The following FRMD4A variants were observed in gnomAD, a reference collection of about 807,000 sequenced individuals.
FRMD4A encodes FERM domain containing 4A, also known as FERM domain-containing protein 4A.
FRMD4A carries 29 observed loss-of-function variants against 129.1 expected under a neutral mutation model. That is an observed-to-expected ratio of 0.22 (90% CI 0.17 to 0.31). The LOEUF (loss-of-function observed/expected upper bound fraction) is 0.31. Ranked by LOEUF, FRMD4A falls within the 10% of genes least tolerant of loss-of-function variation. FRMD4A has a pLI of 1.00. For synonymous variants in FRMD4A, 634 were observed against 571.6 expected, an observed-to-expected ratio of 1.11 and a Z score of -1.56; for missense variants, 1,272 against 1,375.8, an observed-to-expected ratio of 0.92 and a Z score of 1.19.
intron 2 of FRMD4A, among the ~76,000 whole-genome samples, chr10:14,225,719 C>T (rs191383865): frequency 6.6e-6 from 1 of 152,338 alleles, no homozygotes; most frequent in East Asian, 1.9e-4. Flanking sequence ...AAACAACCTT[C>T]TGATGATTTG....
intron 15 of FRMD4A, among the ~76,000 whole-genome samples, chr10:13,687,889 T>C (rs2085247255): frequency 6.6e-6 from 1 of 152,172 alleles, no homozygotes; most frequent in Non-Finnish European, 1.5e-5. Flanking sequence ...ATTTCATTCC[T>C]TTTCTTCCAA....
At chr10:14,033,555 C>T (rs1588832457) in intron 2 of FRMD4A, among the ~76,000 whole-genome samples, 2 of 152,036 alleles carry the variant, frequency 1.3e-5, no homozygotes, top group South Asian at 2.1e-4. Context: ...GAGGCTGAGG[C>T]GAGTGGATCA....
intron 2 of FRMD4A, among the ~76,000 whole-genome samples, chr10:14,221,265 G>A (rs577507502): frequency 6.7e-4 from 102 of 152,282 alleles, no homozygotes; most frequent in African/African-American, 2.4e-3. Flanking sequence ...GAGCTTAGCT[G>A]GAGGCTGGCT....
At chr10:13,724,398 A>AAT (rs397726514) in intron 12 of FRMD4A, among the ~76,000 whole-genome samples, 1 of 151,542 alleles carries the variant, frequency 6.6e-6, no homozygotes, top group Non-Finnish European at 1.5e-5. Context: ...AAAAAAAAAA[A>AAT]GGAGATTTGT....
At chr10:13,684,334 G>A in intron 15 of FRMD4A, 1 of 985,246 alleles carries the variant, frequency 1.0e-6, no homozygotes, top group Non-Finnish European at 1.2e-6. Context: ...AAGTCAGAAA[G>A]TCATTTTCGG....
chr10:13,698,503 TTGTAA>T (rs2086456542), intron 14 of FRMD4A, among the ~76,000 whole-genome samples: 1 of 152,324 alleles, frequency 6.6e-6, no homozygotes, highest in African/African-American at 2.4e-5. Context: ...CAGAAAGGTG[TTGTAA>T]TGTAATTCCC....
chr10:13,791,511 G>C (rs998860288), intron 5 of FRMD4A, among the ~76,000 whole-genome samples: 1 of 152,000 alleles, frequency 6.6e-6, no homozygotes, highest in African/African-American at 2.4e-5. Context: ...TGTGGTCCAG[G>C]GTCAGGAAGT....
At chr10:14,169,295 C>T (rs979277761) in intron 2 of FRMD4A, among the ~76,000 whole-genome samples, 5 of 152,054 alleles carry the variant, frequency 3.3e-5, no homozygotes, top group Non-Finnish European at 5.9e-5. Flanking sequence ...CCGTGAATGC[C>T]TCCTGGTTCC....
At chr10:14,318,324 CCCA>C (rs779426924) in intron 2 of FRMD4A, among the ~76,000 whole-genome samples, 4 of 149,846 alleles carry the variant, frequency 2.7e-5, no homozygotes, top group African/African-American at 9.7e-5. Flanking sequence ...TATATCCCCC[CCCA>C]CCTTTTTTTT....
At chr10:14,272,532 T>C (rs929941592) in intron 2 of FRMD4A, among the ~76,000 whole-genome samples, 13 of 152,224 alleles carry the variant, frequency 8.5e-5, no homozygotes, top group African/African-American at 2.9e-4. Context: ...ATTACCAACC[T>C]GACATTTTGC....
At chr10:13,872,432 C>T (rs1204594288) in intron 2 of FRMD4A, among the ~76,000 whole-genome samples, 7 of 152,348 alleles carry the variant, frequency 4.6e-5, no homozygotes, top group South Asian at 2.1e-4. Context: ...CTGTGGCACC[C>T]GCACTCATTA....
intron 5 of FRMD4A, among the ~76,000 whole-genome samples, chr10:13,786,704 C>T (rs751787827): frequency 9.2e-5 from 14 of 151,830 alleles, no homozygotes; most frequent in East Asian, 3.9e-4. Context: ...GAAGGAAAAG[C>T]GAGGAAAGGG....
intron 8 of FRMD4A, among the ~76,000 whole-genome samples, chr10:13,754,551 C>A (rs539916431): frequency 1.9e-4 from 27 of 142,912 alleles, no homozygotes; most frequent in African/African-American, 6.6e-4. Context: ...TGGGAAAACG[C>A]CACACACAAT....
chr10:14,167,538 CAAAAAAAAAA>C (rs59290414), intron 2 of FRMD4A, among the ~76,000 whole-genome samples: 1 of 57,580 alleles, frequency 1.7e-5, no homozygotes, highest in Non-Finnish European at 2.9e-5. Context: ...CTCCGTCTCT[CAAAAAAAAAA>C]AAAAAAAAAA....
chr10:13,939,878 T>G (rs2095277891), intron 2 of FRMD4A, among the ~76,000 whole-genome samples: 2 of 152,224 alleles, frequency 1.3e-5, no homozygotes, highest in South Asian at 4.1e-4. Flanking sequence ...CAAAGCTCAC[T>G]GTCCTGATAG....
intron 2 of FRMD4A, among the ~76,000 whole-genome samples, chr10:13,945,938 A>G (rs1436720085): frequency 6.6e-6 from 1 of 152,206 alleles, no homozygotes; most frequent in African/African-American, 2.4e-5. Context: ...TCTGGCTGCA[A>G]ACAAAGCCAT....
At chr10:13,679,458 A>AAAAAAT (rs1554838339) in intron 15 of FRMD4A, among the ~76,000 whole-genome samples, 4 of 24,552 alleles carry the variant, frequency 1.6e-4, no homozygotes, top group South Asian at 2.4e-3. Flanking sequence ...AAAAAAAAAA[A>AAAAAAT]AAATATATAT....
intron 2 of FRMD4A, among the ~76,000 whole-genome samples, chr10:14,311,874 A>G (rs1342138052): frequency 6.6e-6 from 1 of 152,122 alleles, no homozygotes; most frequent in Non-Finnish European, 1.5e-5. Flanking sequence ...CTCAAGTTTT[A>G]GAGAGTATCT....
chr10:14,168,042 T>C (rs1281683248), intron 2 of FRMD4A, among the ~76,000 whole-genome samples: 1 of 152,180 alleles, frequency 6.6e-6, no homozygotes, highest in Non-Finnish European at 1.5e-5. Context: ...TCTTCACTTT[T>C]AAACACAATC....
Sources: gnomAD v4.1 joint callset for allele counts (sites outside exome capture counted in the v4.1 genomes callset) on GRCh38, gnomAD v4.1.1 for gene constraint, MANE v1.5 for transcripts, NCBI Gene and HGNC (gene_info 2026-07-23, HGNC 2026-07-21) for gene names.